Variants in SUMF1 observed in about 807,000 individuals in gnomAD.
The protein encoded by SUMF1 is sulfatase modifying factor 1, also known as formylglycine-generating enzyme.
Under a neutral mutation model 47.6 loss-of-function variants are expected in SUMF1, and 48 were observed. The ratio of observed to expected loss-of-function variants is 1.01; its 90% CI spans 0.80 to 1.28. The LOEUF is 1.28. Among genes scored for constraint, SUMF1 ranks in the 50% most tolerant of loss-of-function variants. The probability of loss-of-function intolerance (pLI) is 0.00; values close to 1 mark genes in which losing one functional copy is unlikely to be tolerated. For missense variants in SUMF1, 571 were observed against 485.4 expected (o/e 1.18, Z -1.66); for synonymous variants, 230 against 192.1 (o/e 1.20, Z -1.63).
intron 8 of SUMF1, among the ~76,000 whole-genome samples, chr3:4,148,476 A>T (rs184957332): frequency 1.3e-5 from 2 of 152,250 alleles, no homozygotes; most frequent in Admixed American, 1.3e-4. Flanking sequence ...AAGTCATTTT[A>T]TGTCCATATG....
At chr3:4,438,229 C>CAA (rs200027047) in intron 3 of SUMF1, among the ~76,000 whole-genome samples, 28 of 134,584 alleles carry the variant, frequency 2.1e-4, no homozygotes, top group African/African-American at 7.9e-4. Flanking sequence ...GCTATAAGAG[C>CAA]AAAAAAAAAA....
At chr3:4,146,397 G>C (rs1694193608) in intron 8 of SUMF1, among the ~76,000 whole-genome samples, 1 of 129,138 alleles carries the variant, frequency 7.7e-6, no homozygotes. Flanking sequence ...CTCCAGTAGA[G>C]AGAGGCGAGG....
chr3:4,269,822 T>G (rs1425968661), intron 8 of SUMF1, among the ~76,000 whole-genome samples: 1 of 152,152 alleles, frequency 6.6e-6, no homozygotes. Context: ...CTGGCCCTAT[T>G]AAATTCTCAT....
chr3:4,137,200 C>A (rs1398006726), intron 8 of SUMF1, among the ~76,000 whole-genome samples: 6 of 151,908 alleles, frequency 3.9e-5, no homozygotes, highest in Non-Finnish European at 8.8e-5. Flanking sequence ...CTATTCACAA[C>A]AGCAAAGACT....
chr3:4,155,552 C>T (rs867851578), intron 8 of SUMF1, among the ~76,000 whole-genome samples: 1 of 151,318 alleles, frequency 6.6e-6, no homozygotes, highest in Non-Finnish European at 1.5e-5. Context: ...GAGAAAATAG[C>T]GGCAGTACAA....
intron 8 of SUMF1, among the ~76,000 whole-genome samples, chr3:4,174,823 C>G (rs930832127): frequency 6.6e-6 from 1 of 152,190 alleles, no homozygotes; most frequent in African/African-American, 2.4e-5. Context: ...AAGGGACACT[C>G]CCACTCAAAT....
intron 8 of SUMF1, among the ~76,000 whole-genome samples, chr3:4,105,331 T>C (rs545566487): frequency 1.1e-4 from 17 of 152,268 alleles, no homozygotes; most frequent in Admixed American, 5.2e-4. Context: ...GTGATTATAG[T>C]TAATAACAAT....
At chr3:4,366,194 C>T in intron 8 of SUMF1, among the ~76,000 whole-genome samples, 1 of 151,622 alleles carries the variant, frequency 6.6e-6, no homozygotes, top group East Asian at 1.9e-4. Context: ...AATTATGTGT[C>T]TTGGAGTTGC....
intron 8 of SUMF1, among the ~76,000 whole-genome samples, chr3:4,276,193 G>A (rs975499822): frequency 1.6e-4 from 25 of 152,008 alleles, no homozygotes; most frequent in Admixed American, 6.6e-4. Context: ...ATTTTACAGG[G>A]GACAACAGGC....
At chr3:4,270,155 G>A (rs1452064128) in intron 8 of SUMF1, among the ~76,000 whole-genome samples, 1 of 152,050 alleles carries the variant, frequency 6.6e-6, no homozygotes, top group Non-Finnish European at 1.5e-5. Flanking sequence ...CGGACTATCA[G>A]GGAAACTAAA....
chr3:4,348,816 G>A (rs367654079), intron 8 of SUMF1, among the ~76,000 whole-genome samples: 11 of 152,196 alleles, frequency 7.2e-5, no homozygotes, highest in African/African-American at 2.2e-4. Flanking sequence ...CAGAGGTTGC[G>A]GTGAGCCAAG....
chr3:4,433,184 C>T (rs909444687), intron 3 of SUMF1, among the ~76,000 whole-genome samples: 3 of 152,166 alleles, frequency 2.0e-5, no homozygotes, highest in African/African-American at 7.2e-5. Context: ...GTCCAATATT[C>T]GAGGGGCAGG....
intron 8 of SUMF1, among the ~76,000 whole-genome samples, chr3:4,129,039 A>T (rs1349442266): frequency 6.6e-6 from 1 of 152,152 alleles, no homozygotes; most frequent in Non-Finnish European, 1.5e-5. Flanking sequence ...GGAGTGGATT[A>T]GTCACTTTAG....
At chr3:4,149,048 T>A (rs961045354) in intron 8 of SUMF1, among the ~76,000 whole-genome samples, 3 of 152,142 alleles carry the variant, frequency 2.0e-5, no homozygotes, top group African/African-American at 7.2e-5. Flanking sequence ...AATCTCACGT[T>A]TCAACAATCA....
At chr3:4,437,316 G>C (rs1702434805) in intron 3 of SUMF1, among the ~76,000 whole-genome samples, 1 of 152,064 alleles carries the variant, frequency 6.6e-6, no homozygotes, top group Non-Finnish European at 1.5e-5. Flanking sequence ...AAAGTTAATG[G>C]AATAATAAAT....
chr3:4,416,964 A>G (rs1442634520), intron 6 of SUMF1, among the ~76,000 whole-genome samples, 164 bp downstream of exon 6: 2 of 152,250 alleles, frequency 1.3e-5, no homozygotes, highest in African/African-American at 2.4e-5. Flanking sequence ...TTATACAAAA[A>G]GAAAATCTGT....
chr3:4,067,345 T>C (rs918088698), intron 9 of SUMF1, among the ~76,000 whole-genome samples: 5 of 152,188 alleles, frequency 3.3e-5, no homozygotes, highest in African/African-American at 1.2e-4. Context: ...ATATACCATA[T>C]CATGAAGGAG....
chr3:4,268,357 G>T (rs572850474), intron 8 of SUMF1, among the ~76,000 whole-genome samples: 1 of 151,912 alleles, frequency 6.6e-6, no homozygotes, highest in African/African-American at 2.4e-5. Flanking sequence ...TGGGTGCAGC[G>T]CACCAGCATG....
Position 4,362,281 on chromosome 3 carries a change from GTGCTAC to G in SUMF1, c.1015-33_1015-28del, listed in dbSNP as rs376703763. 4 of 1,592,306 alleles carry G rather than the reference GTGCTAC, an allele frequency of 2.5e-6. No homozygotes were observed. The African/African-American group carries it at 4.0e-5, about 16-fold the overall frequency. ...TGTGTAGAGAGAAAGAGCAAGGTAA[GTGCTAC>G]TGGGACTCTCAGCTGAAGGCTCTAA... is the stretch of plus-strand genomic sequence containing the variant. On this transcript the variant is annotated intron_variant, in intron 8 of 8. Coordinates refer to ENST00000272902, the MANE Select transcript of SUMF1 (RefSeq NM_182760.4).
Sources: allele counts gnomAD v4.1 joint callset (sites outside exome capture counted in the v4.1 genomes callset), GRCh38; gene constraint gnomAD v4.1.1; transcripts MANE v1.5; gene names NCBI Gene and HGNC (gene_info 2026-07-23, HGNC 2026-07-21).